HPD: variants seen among roughly 807,000 people sequenced by gnomAD.
HPD encodes 4-hydroxyphenylpyruvic acid oxidase.
Under a neutral mutation model 56.9 loss-of-function variants are expected in HPD, and 35 were observed. The ratio of observed to expected loss-of-function variants is 0.62; its 90% CI spans 0.47 to 0.82. HPD has a LOEUF of 0.82. Ranked by LOEUF, HPD falls within the 40% of genes least tolerant of loss-of-function variation. The probability of loss-of-function intolerance (pLI) is 0.00; values close to 1 mark genes in which losing one functional copy is unlikely to be tolerated. For synonymous variants in HPD, 186 were observed against 200.2 expected (o/e 0.93, Z 0.60); for missense variants, 442 against 506.8 (o/e 0.87, Z 1.23).
chr12:121,856,076 T>A (rs1286605878), intron 6 of HPD, among the ~76,000 whole-genome samples: 1 of 150,558 alleles, frequency 6.6e-6, no homozygotes, highest in South Asian at 2.1e-4. Flanking sequence ...TGAGGCTCAG[T>A]GAGAGAGAGG....
At chr12:121,883,889 TC>T in the HPD span, among the ~76,000 whole-genome samples, 1 of 152,122 alleles carries the variant, frequency 6.6e-6, no homozygotes, top group Non-Finnish European at 1.5e-5. Context: ...TCCCCTTGTA[TC>T]ATTTTCTTTG....
At chr12:121,877,876 G>T in the HPD span, among the ~76,000 whole-genome samples, 1 of 152,188 alleles carries the variant, frequency 6.6e-6, no homozygotes, top group African/African-American at 2.4e-5. Context: ...GCCGGATTTT[G>T]TTCAAAAGAA....
chr12:121,841,423 A>G (rs572481622), intron 12 of HPD, among the ~76,000 whole-genome samples: 4 of 152,294 alleles, frequency 2.6e-5, no homozygotes, highest in African/African-American at 4.8e-5. Flanking sequence ...ACTCCTAGAT[A>G]TATTCCAAAG....
At chr12:121,855,932 T>G (rs1232177141) in intron 6 of HPD, among the ~76,000 whole-genome samples, 1 of 125,996 alleles carries the variant, frequency 7.9e-6, no homozygotes, top group South Asian at 2.5e-4. Flanking sequence ...ATCGTGCCAT[T>G]GCACTCCAAC....
upstream of HPD, among the ~76,000 whole-genome samples, chr12:121,862,058 C>T (rs534814139): frequency 2.6e-5 from 4 of 152,262 alleles, no homozygotes; most frequent in South Asian, 8.3e-4. Flanking sequence ...CTGCTGTGAG[C>T]TGTTTCAGTG....
chr12:121,864,080 A>AG (rs1306979037), upstream of HPD, among the ~76,000 whole-genome samples: 11 of 149,280 alleles, frequency 7.4e-5, no homozygotes, highest in African/African-American at 2.4e-4. Context: ...ATACAAAAAA[A>AG]AAAAAAAAAA....
the HPD span, among the ~76,000 whole-genome samples, chr12:121,880,160 GAAA>G: frequency 9.8e-6 from 1 of 101,606 alleles, no homozygotes; most frequent in African/African-American, 3.3e-5. Flanking sequence ...ATGAAAAAAA[GAAA>G]AAAAAAAAAA....
chr12:121,882,212 G>C, the HPD span, among the ~76,000 whole-genome samples: 5 of 151,454 alleles, frequency 3.3e-5, no homozygotes, highest in Non-Finnish European at 7.4e-5. Flanking sequence ...AGGATTTGTC[G>C]TTTGTAGGAT....
upstream of HPD, among the ~76,000 whole-genome samples, chr12:121,866,508 C>G (rs1878333513): frequency 6.6e-6 from 1 of 151,794 alleles, no homozygotes; most frequent in Admixed American, 6.6e-5. Context: ...ACAAAACATG[C>G]CAACGGTTCT....
At chr12:121,869,850 T>A in the HPD span, among the ~76,000 whole-genome samples, 1 of 152,196 alleles carries the variant, frequency 6.6e-6, no homozygotes, top group East Asian at 1.9e-4. Context: ...GTATTATTTT[T>A]AGTGCAACAG....
At chr12:121,856,855 C>T (rs376572404) in intron 4 of HPD, 65 of 591,734 alleles carry the variant, frequency 1.1e-4, no homozygotes, top group Middle Eastern at 8.9e-4. Flanking sequence ...AGGTCTCCCT[C>T]GGGGAGAGAA....
upstream of HPD, among the ~76,000 whole-genome samples, chr12:121,865,473 T>C (rs947676006): frequency 1.5e-4 from 22 of 150,210 alleles, no homozygotes; most frequent in Admixed American, 4.7e-4. Context: ...TTTCGTCATG[T>C]TGGCCAGGCT....
At chr12:121,870,448 A>G in the HPD span, among the ~76,000 whole-genome samples, 1 of 151,026 alleles carries the variant, frequency 6.6e-6, no homozygotes, top group African/African-American at 2.4e-5. Flanking sequence ...CGGAGGTTGC[A>G]GTGAGTGGAG....
chr12:121,862,989 C>CT (rs557501617), upstream of HPD, among the ~76,000 whole-genome samples: 422 of 132,176 alleles, frequency 3.2e-3, 4 homozygotes, highest in Middle Eastern at 9.7e-3. Context: ...ACCCCCCCTC[C>CT]TTTTTTTTTT....
In HPD at chr12:121,856,338, C is replaced by A; in HGVS notation, c.310G>T (p.Asp104Tyr). Residue 104 changes from aspartate to tyrosine, a missense_variant, in exon 6 of 14, where the codon GAC (aspartate) becomes TAC (tyrosine). By Grantham distance (160) the Asp-to-Tyr change is radical. Transcript: ENST00000289004. ...TGCTTTCTTACCTGCACGATGTAGTCACAATCTTCCACCTCGAACGCAATG... is the reference window on the plus strand; with the variant it reads ...TGCTTTCTTACCTGCACGATGTAGTAACAATCTTCCACCTCGAACGCAATG... ...KDIAFEVEDCDYIVQKARERG... is the reference protein window; with the variant it reads ...KDIAFEVEDCYYIVQKARERG... The A allele has an allele frequency of 6.2e-7, 1 of 1,614,040 alleles. No individual in the cohort carries two copies. The highest frequency in any genetic ancestry group is 1.1e-5 in the South Asian group (1 of 91,080).
the HPD span, among the ~76,000 whole-genome samples, chr12:121,875,829 G>A: frequency 6.6e-6 from 1 of 152,216 alleles, no homozygotes; most frequent in East Asian, 1.9e-4. Context: ...AACCCCAAAA[G>A]CACAGATGAG....
chr12:121,867,469 C>G (rs1299543387), upstream of HPD, among the ~76,000 whole-genome samples: 1 of 151,560 alleles, frequency 6.6e-6, no homozygotes, highest in Non-Finnish European at 1.5e-5. Flanking sequence ...ATTCTGTTAC[C>G]TAGGCTGGAA....
chr12:121,868,168 C>T (rs532764052), upstream of HPD, among the ~76,000 whole-genome samples: 4 of 152,192 alleles, frequency 2.6e-5, no homozygotes, highest in South Asian at 2.1e-4. Flanking sequence ...GGTGACACAG[C>T]GAGACCCTGT....
chr12:121,858,978 G>T, upstream of HPD: 1 of 811,958 alleles, frequency 1.2e-6, no homozygotes, highest in Non-Finnish European at 2.1e-6. Context: ...CAGGCCTGGG[G>T]ACCTCTGATC....
Sources: allele counts gnomAD v4.1 joint callset (sites outside exome capture counted in the v4.1 genomes callset), GRCh38; gene constraint gnomAD v4.1.1; transcripts MANE v1.5; gene names NCBI Gene and HGNC (gene_info 2026-07-23, HGNC 2026-07-21).